The following LOC400499 variants were observed in gnomAD, a reference collection of about 807,000 sequenced individuals.
chr16:11,455,770 A>T, the LOC400499 span, among the ~76,000 whole-genome samples: 2 of 151,646 alleles, frequency 1.3e-5, no homozygotes, highest in Non-Finnish European at 1.5e-5. Flanking sequence ...AAAGAGAAAC[A>T]AACAAACAAC....
chr16:11,383,777 G>A, the LOC400499 span: 2 of 1,232,168 alleles, frequency 1.6e-6, no homozygotes, highest in Non-Finnish European at 2.0e-6. Flanking sequence ...AATGGTGTAG[G>A]GTCTACCTGA....
chr16:11,385,449 G>A, the LOC400499 span: 16 of 1,220,596 alleles, frequency 1.3e-5, no homozygotes, highest in Middle Eastern at 3.1e-4. Flanking sequence ...CAGGGTGAGC[G>A]GGGCCAGCTC....
the LOC400499 span, chr16:11,450,633 G>A: frequency 2.0e-6 from 3 of 1,535,914 alleles, no homozygotes; most frequent in Non-Finnish European, 2.6e-6. Flanking sequence ...TAGCTGCGGT[G>A]TAAACCTGGA....
the LOC400499 span, among the ~76,000 whole-genome samples, chr16:11,499,369 A>T: frequency 4.8e-5 from 7 of 147,284 alleles, no homozygotes; most frequent in Non-Finnish European, 1.5e-5. Context: ...AAGGGGAAGG[A>T]GACAGACATT....
the LOC400499 span, chr16:11,448,954 G>T: frequency 6.7e-7 from 1 of 1,502,362 alleles, no homozygotes; most frequent in Non-Finnish European, 8.9e-7. Context: ...GTTAGGTTCA[G>T]CTCCTGCTGG....
chr16:11,501,671 G>A, the LOC400499 span, among the ~76,000 whole-genome samples: 1 of 152,028 alleles, frequency 6.6e-6, no homozygotes, highest in African/African-American at 2.4e-5. Context: ...ACTAGCCCCA[G>A]ATCAGCAAGG....
the LOC400499 span, among the ~76,000 whole-genome samples, chr16:11,396,002 G>T: frequency 3.5e-3 from 527 of 152,348 alleles, 1 homozygote; most frequent in African/African-American, 0.012. Flanking sequence ...ACTTCCCAGG[G>T]CTGCTGGGAG....
At chr16:11,477,853 C>T in the LOC400499 span, 5 of 398,868 alleles carry the variant, frequency 1.3e-5, no homozygotes, top group Admixed American at 4.4e-5. Flanking sequence ...CAGAGAAATC[C>T]GAGCGCTGCT....
chr16:11,426,793 G>A, the LOC400499 span, among the ~76,000 whole-genome samples: 1 of 149,260 alleles, frequency 6.7e-6, no homozygotes, highest in Non-Finnish European at 1.5e-5. Flanking sequence ...CATGGTGGCA[G>A]GTACCTGTAG....
At chr16:11,471,449 C>A in the LOC400499 span, 27 of 389,008 alleles carry the variant, frequency 6.9e-5, no homozygotes, top group Non-Finnish European at 1.1e-4. Flanking sequence ...TGAACTGAGA[C>A]CTAAAGACTG....
the LOC400499 span, among the ~76,000 whole-genome samples, chr16:11,373,191 G>A: frequency 6.6e-6 from 1 of 152,240 alleles, no homozygotes; most frequent in Non-Finnish European, 1.5e-5. Context: ...ACAGCATGCA[G>A]TGGAGGCCAT....
the LOC400499 span, among the ~76,000 whole-genome samples, chr16:11,520,693 T>C: frequency 6.9e-6 from 1 of 145,410 alleles, no homozygotes; most frequent in Non-Finnish European, 1.5e-5. Flanking sequence ...AAAAAAAAAG[T>C]TGTACCCTTG....
chr16:11,423,850 A>G, the LOC400499 span, among the ~76,000 whole-genome samples: 5 of 152,136 alleles, frequency 3.3e-5, no homozygotes, highest in Non-Finnish European at 5.9e-5. Context: ...CCATGTGGGC[A>G]CCCAACCCAC....
At chr16:11,473,863 A>C in the LOC400499 span, among the ~76,000 whole-genome samples, 22 of 152,228 alleles carry the variant, frequency 1.4e-4, no homozygotes, top group African/African-American at 5.1e-4. Flanking sequence ...AGTTACCTAG[A>C]TAGCTAGCTA....
the LOC400499 span, among the ~76,000 whole-genome samples, chr16:11,504,649 G>A: frequency 6.6e-6 from 1 of 152,100 alleles, no homozygotes; most frequent in Admixed American, 6.6e-5. Context: ...AAGGCTGGGT[G>A]CAGTGGCTCA....
At chr16:11,443,978 G>A in the LOC400499 span, among the ~76,000 whole-genome samples, 1 of 151,926 alleles carries the variant, frequency 6.6e-6, no homozygotes, top group Non-Finnish European at 1.5e-5. Context: ...GGGATTATAG[G>A]CACCTGCCAC....
the LOC400499 span, among the ~76,000 whole-genome samples, chr16:11,477,187 G>A: frequency 1.3e-5 from 2 of 152,250 alleles, no homozygotes; most frequent in Non-Finnish European, 2.9e-5. Flanking sequence ...TTCCATGACT[G>A]GGACAAAGCA....
the LOC400499 span, among the ~76,000 whole-genome samples, chr16:11,507,578 G>C: frequency 3.9e-5 from 6 of 152,206 alleles, no homozygotes; most frequent in Admixed American, 1.3e-4. Flanking sequence ...GATTAAATTA[G>C]ATAACGCAAG....
chr16:11,436,169 G>A, the LOC400499 span, among the ~76,000 whole-genome samples: 1 of 152,194 alleles, frequency 6.6e-6, no homozygotes, highest in African/African-American at 2.4e-5. Flanking sequence ...CACTGAAAGG[G>A]TCACATATGC....
Sources: allele counts gnomAD v4.1 joint callset (sites outside exome capture counted in the v4.1 genomes callset), GRCh38; gene constraint gnomAD v4.1.1; transcripts MANE v1.5.